Variants in RFX3 observed in about 807,000 individuals in gnomAD.
RFX3 encodes transcription factor RFX3.
Under a neutral mutation model 98.6 loss-of-function variants are expected in RFX3, and 14 were observed. The ratio of observed to expected loss-of-function variants is 0.14; its 90% CI spans 0.09 to 0.22. The LOEUF (loss-of-function observed/expected upper bound fraction) is 0.22, where lower values mean the gene tolerates loss of function less well. Ranked by LOEUF, RFX3 falls within the 10% of genes least tolerant of loss-of-function variation. The pLI is 1.00. For missense variants in RFX3, 639 were observed against 926.9 expected, an observed-to-expected ratio of 0.69 and a Z score of 4.03; for synonymous variants, 383 against 328.4, an observed-to-expected ratio of 1.17 and a Z score of -1.80.
At chr9:3,491,129 C>A (rs1230789478) in intron 1 of RFX3, among the ~76,000 whole-genome samples, 1 of 151,936 alleles carries the variant, frequency 6.6e-6, no homozygotes, top group Non-Finnish European at 1.5e-5. Flanking sequence ...TATATTGCTC[C>A]ATTAGACATA....
intron 16 of RFX3, among the ~76,000 whole-genome samples, chr9:3,225,513 G>T (rs1410690948): frequency 2.0e-5 from 3 of 150,482 alleles, no homozygotes; most frequent in African/African-American, 7.5e-5. Context: ...TTGGCAACTT[G>T]TGATTGATAC....
At chr9:3,522,529 T>C (rs1340073455) in intron 1 of RFX3, among the ~76,000 whole-genome samples, 1 of 151,344 alleles carries the variant, frequency 6.6e-6, no homozygotes. Flanking sequence ...GTAATATTCC[T>C]ATTACTGTTC....
At position 3,330,513 on chromosome 9, in the gene RFX3, T is replaced by C. The variant is rs1832465666; in HGVS notation, c.220A>G (p.Thr74Ala). The change falls in exon 4 of 17, where the codon ACA (threonine) becomes GCA (alanine). Residue 74 changes from threonine to alanine, a missense_variant. Coordinates refer to ENST00000617270, the MANE Select transcript of RFX3 (RefSeq NM_001282116.2). ...DTVYTNGAIRTTTYPYTETQM... is the reference protein window; with the variant it reads ...DTVYTNGAIRATTYPYTETQM... ...GTCTCTGTGTAAGGATACGTTGTTG[T>C]TCGGCTTTAGAAGAAGAAGAAAAAA... 1 of 1,603,850 alleles carries C rather than the reference T, an allele frequency of 6.2e-7. No individual in the cohort carries two copies. The highest frequency in any genetic ancestry group is 1.1e-5 in the South Asian group (1 of 90,378).
At chr9:3,227,040 C>G (rs555851466) in intron 16 of RFX3, among the ~76,000 whole-genome samples, 2 of 152,274 alleles carry the variant, frequency 1.3e-5, no homozygotes, top group South Asian at 4.1e-4. Context: ...CTGGCTCTAA[C>G]TCAAGAGCCA....
At chr9:3,364,593 A>G (rs542686179) in intron 2 of RFX3, 1 of 164,798 alleles carries the variant, frequency 6.1e-6, no homozygotes, top group African/African-American at 2.4e-5. Context: ...ATGATGCTCA[A>G]CCAAGAGATT....
chr9:3,303,118 G>A (rs938907775), intron 4 of RFX3, among the ~76,000 whole-genome samples: 1 of 151,610 alleles, frequency 6.6e-6, no homozygotes, highest in African/African-American at 2.4e-5. Flanking sequence ...AGAAACATAG[G>A]CTTCTACAAC....
chr9:3,451,283 C>T (rs185389257), intron 1 of RFX3, among the ~76,000 whole-genome samples: 173 of 152,296 alleles, frequency 1.1e-3, no homozygotes, highest in African/African-American at 4.0e-3. Context: ...CAGGGACTCA[C>T]ACCTGCAATC....
chr9:3,311,787 G>C (rs1220193715), intron 4 of RFX3, among the ~76,000 whole-genome samples: 3 of 152,186 alleles, frequency 2.0e-5, no homozygotes, highest in African/African-American at 7.2e-5. Flanking sequence ...GGGAGGCTGA[G>C]GCAGGACAAT....
rs74446646 is a variant in RFX3 at position 3,338,636 on chromosome 9, G to A, written c.215+8031C>T. ...TCCCACCCCTAAAGTTCTTAATTCTGTAGAACTGGAGTGGGCACCAAAAGC... is the reference window on the plus strand; with the variant it reads ...TCCCACCCCTAAAGTTCTTAATTCTATAGAACTGGAGTGGGCACCAAAAGC... On this transcript the variant is annotated intron_variant, in intron 3 of 16. Coordinates refer to ENST00000617270, the MANE Select transcript of RFX3 (RefSeq NM_001282116.2). Among the ~76,000 whole-genome samples, 1,123 of 152,266 alleles carry A rather than the reference G, an allele frequency of 7.4e-3. 8 individuals are homozygous for A. Among genetic ancestry groups the A allele is most frequent in the African/African-American group, 0.026 (1,064 of 41,556 alleles).
At chr9:3,504,101 TTCTC>T (rs148460230) in intron 1 of RFX3, among the ~76,000 whole-genome samples, 38 of 137,602 alleles carry the variant, frequency 2.8e-4, no homozygotes, top group Non-Finnish European at 3.7e-4. Flanking sequence ...CAATACATCT[TTCTC>T]TCTCTCTCTC....
At chr9:3,333,651 T>C (rs1165202860) in intron 3 of RFX3, among the ~76,000 whole-genome samples, 1 of 152,164 alleles carries the variant, frequency 6.6e-6, no homozygotes, top group African/African-American at 2.4e-5. Flanking sequence ...GTGGCCCCAC[T>C]TAACTGTGCT....
chr9:3,247,779 G>T, intron 15 of RFX3: 1 of 1,591,034 alleles, frequency 6.3e-7, no homozygotes, highest in Non-Finnish European at 8.5e-7. Context: ...CTTTTACATA[G>T]GTACCTGTAT....
At chr9:3,369,303 T>A (rs993083795) in intron 2 of RFX3, among the ~76,000 whole-genome samples, 1 of 152,186 alleles carries the variant, frequency 6.6e-6, no homozygotes, top group Non-Finnish European at 1.5e-5. Flanking sequence ...TCTTCCTATG[T>A]CCTCACGTGG....
chr9:3,515,842 T>C (rs1818101712), intron 1 of RFX3, among the ~76,000 whole-genome samples: 1 of 152,122 alleles, frequency 6.6e-6, no homozygotes. Context: ...AGTTAATCAG[T>C]AAAAAACAAA....
At chr9:3,375,537 A>C (rs1330424847) in intron 2 of RFX3, among the ~76,000 whole-genome samples, 3 of 152,248 alleles carry the variant, frequency 2.0e-5, no homozygotes, top group African/African-American at 7.2e-5. Context: ...ATTTCTTACC[A>C]AAAACATGAC....
chr9:3,286,164 T>C (rs75993998), intron 7 of RFX3, among the ~76,000 whole-genome samples: 4,846 of 151,848 alleles, frequency 0.032, 196 homozygotes, highest in African/African-American at 0.095. Flanking sequence ...TCATCTCCAC[T>C]GTGTAGTGGT....
chr9:3,451,883 G>C (rs1587717874), intron 1 of RFX3, among the ~76,000 whole-genome samples: 2 of 148,110 alleles, frequency 1.4e-5, no homozygotes, highest in East Asian at 3.9e-4. Context: ...TCTGAAGTTT[G>C]CTATCTGGCT....
chr9:3,437,506 G>A (rs1461185776), intron 1 of RFX3, among the ~76,000 whole-genome samples: 2 of 152,024 alleles, frequency 1.3e-5, no homozygotes, highest in Admixed American at 6.6e-5. Context: ...AAATCCTCTG[G>A]TAATAAAGCT....
intron 4 of RFX3, among the ~76,000 whole-genome samples, chr9:3,305,991 C>A (rs1171154470): frequency 1.9e-4 from 29 of 152,030 alleles, no homozygotes; most frequent in Non-Finnish European, 2.9e-5. Context: ...TTGTGGATCA[C>A]TTAAAAAGTT....
Sources: allele counts gnomAD v4.1 joint callset (sites outside exome capture counted in the v4.1 genomes callset), GRCh38; gene constraint gnomAD v4.1.1; transcripts MANE v1.5; gene names NCBI Gene and HGNC (gene_info 2026-07-23, HGNC 2026-07-21).